RNU4ATAC: variants seen among roughly 807,000 people sequenced by gnomAD.
RNU4ATAC encodes the protein RNA, U4atac small nuclear, also known as RNA, U4atac small nuclear (U12-dependent splicing).
chr2:121,530,977 T>G, exon 1 of RNU4ATAC: 1 of 700,404 alleles, frequency 1.4e-6, no homozygotes, highest in Non-Finnish European at 2.6e-6. Flanking sequence ...AACTAGAGCT[T>G]TTGCTTTATT....
At position 121,530,892 on chromosome 2, in the gene RNU4ATAC, C is replaced by G. The variant is rs559979281; in HGVS notation, n.12C>G. 1.3e-5 allele frequency: 9 copies of G among 693,818 alleles called. No homozygotes were observed. The highest frequency in any genetic ancestry group is 5.4e-5 in the East Asian group (2 of 37,070). 43.0% of individuals were successfully genotyped at this position (693,818 alleles called of 1,614,324 possible). A position where few individuals can be genotyped will look rare whatever the true frequency, so the allele number is the denominator to read the frequency against. On this transcript the variant is annotated non_coding_transcript_exon_variant, in exon 1 of 1. Coordinates refer to ENST00000580972, the Ensembl canonical transcript of RNU4ATAC. ...GACTTTCTATTATAACCATCCTTTTCTTGGGGTTGCGCTACTGTCCAATGA... is the reference window on the plus strand; with the variant it reads ...GACTTTCTATTATAACCATCCTTTTGTTGGGGTTGCGCTACTGTCCAATGA...
At chr2:121,530,886 C>A (rs764712132) in exon 1 of RNU4ATAC, 1 of 692,914 alleles carries the variant, frequency 1.4e-6, no homozygotes, top group Non-Finnish European at 2.6e-6. Context: ...TTATAACCAT[C>A]CTTTTCTTGG....
At position 121,530,881 on chromosome 2, in the gene RNU4ATAC, A is replaced by G. The variant is rs1339722202; in HGVS notation, n.1A>G. The G allele has an allele frequency of 1.6e-5, 11 of 692,068 alleles. No homozygotes were observed. The highest frequency in any genetic ancestry group is 6.1e-5 in the Admixed American group (3 of 49,582). 42.9% of individuals were successfully genotyped at this position (692,068 alleles called of 1,614,324 possible). A position where few individuals can be genotyped will look rare whatever the true frequency, so the allele number is the denominator to read the frequency against. On this transcript the variant is annotated non_coding_transcript_exon_variant, in exon 1 of 1. Coordinates refer to ENST00000580972, the Ensembl canonical transcript of RNU4ATAC. ...TGCAGCCCAGGGACTTTCTATTATAACCATCCTTTTCTTGGGGTTGCGCTA... is the reference window on the plus strand; with the variant it reads ...TGCAGCCCAGGGACTTTCTATTATAGCCATCCTTTTCTTGGGGTTGCGCTA...
rs543891782 is a variant in RNU4ATAC at position 121,530,894 on chromosome 2, T to G, written n.14T>G. On this transcript the variant is annotated non_coding_transcript_exon_variant, in exon 1 of 1. Coordinates refer to ENST00000580972, the Ensembl canonical transcript of RNU4ATAC. ...CTTTCTATTATAACCATCCTTTTCTTGGGGTTGCGCTACTGTCCAATGAGC... is the reference window on the plus strand; with the variant it reads ...CTTTCTATTATAACCATCCTTTTCTGGGGGTTGCGCTACTGTCCAATGAGC... The G allele has an allele frequency of 8.5e-5, 59 of 694,024 alleles. No individual in the cohort carries two copies. The highest frequency in any genetic ancestry group is 2.4e-4 in the Admixed American group (12 of 49,708). 43.0% of individuals were successfully genotyped at this position (694,024 alleles called of 1,614,324 possible).
chr2:121,531,009 T>C (rs942363087), downstream of RNU4ATAC: 54 of 700,042 alleles, frequency 7.7e-5, no homozygotes, highest in African/African-American at 1.0e-4. Context: ...TTTGGAAAAA[T>C]GAAAACCTGT....
chr2:121,530,944 C>G (rs572917990), exon 1 of RNU4ATAC: 3 of 700,280 alleles, frequency 4.3e-6, no homozygotes, highest in Non-Finnish European at 7.8e-6. Flanking sequence ...GTACTGCTAA[C>G]GCCTGAACAA....
At chr2:121,530,963 CAT>C in exon 1 of RNU4ATAC, 1 of 700,430 alleles carries the variant, frequency 1.4e-6, no homozygotes, top group South Asian at 1.5e-5. Context: ...AACACACCCG[CAT>C]CAACTAGAGC....
In RNU4ATAC at chr2:121,531,003, G is replaced by C; in HGVS notation, n.123G>C. Reference sequence around the variant, plus strand: ...TTGCTTTATTTTGGTGCAATTTTTGGAAAAATGAAAACCTGTTTTCATAGA... The same window carrying C: ...TTGCTTTATTTTGGTGCAATTTTTGCAAAAATGAAAACCTGTTTTCATAGA... On this transcript the variant is annotated non_coding_transcript_exon_variant, in exon 1 of 1. Transcript: ENST00000580972. The C allele has an allele frequency of 2.9e-6, 2 of 700,188 alleles. No homozygotes were observed. The highest frequency in any genetic ancestry group is 5.4e-5 in the East Asian group (2 of 37,276). 43.4% of individuals were successfully genotyped at this position (700,188 alleles called of 1,614,324 possible).
chr2:121,530,975 C>A lies in RNU4ATAC; in HGVS notation n.95C>A, dbSNP rs538424742. On this transcript the variant is annotated non_coding_transcript_exon_variant, in exon 1 of 1. Coordinates refer to ENST00000580972, the Ensembl canonical transcript of RNU4ATAC. ...AACAACACACCCGCATCAACTAGAG[C>A]TTTTGCTTTATTTTGGTGCAATTTT... The A allele has an allele frequency of 5.7e-6, 4 of 700,418 alleles. No individual in the cohort carries two copies. The highest frequency in any genetic ancestry group is 5.4e-5 in the East Asian group (2 of 37,308). 43.4% of individuals were successfully genotyped at this position (700,418 alleles called of 1,614,324 possible). A position where few individuals can be genotyped will look rare whatever the true frequency, so the allele number is the denominator to read the frequency against.
chr2:121,530,927 G>GC (rs1323260662), exon 1 of RNU4ATAC: 1 of 699,834 alleles, frequency 1.4e-6, no homozygotes, highest in Non-Finnish European at 2.6e-6. Context: ...AGCGCATAGT[G>GC]AGGGCAGTAC....
rs77516008 is a variant in RNU4ATAC at position 121,530,920 on chromosome 2, G to A, written n.40G>A. On this transcript the variant is annotated non_coding_transcript_exon_variant, in exon 1 of 1. Coordinates refer to ENST00000580972, the Ensembl canonical transcript of RNU4ATAC. ...GGGGTTGCGCTACTGTCCAATGAGCGCATAGTGAGGGCAGTACTGCTAACG... is the reference window on the plus strand; with the variant it reads ...GGGGTTGCGCTACTGTCCAATGAGCACATAGTGAGGGCAGTACTGCTAACG... 397 of 699,694 alleles carry A rather than the reference G, an allele frequency of 5.7e-4. No individual in the cohort carries two copies. The highest frequency in any genetic ancestry group is 5.6e-3 in the African/African-American group (318 of 57,276). The allele number at this position is 699,694 out of a possible 1,614,324, so 43.3% of individuals were successfully genotyped here. A position where few individuals can be genotyped will look rare whatever the true frequency, so the allele number is the denominator to read the frequency against.
At chr2:121,530,957 C>CACCCGCA in exon 1 of RNU4ATAC, 1 of 700,408 alleles carries the variant, frequency 1.4e-6, no homozygotes, top group Non-Finnish European at 2.6e-6. Flanking sequence ...CTGAACAACA[C>CACCCGCA]ACCCGCATCA....
rs1048449886 is a variant in RNU4ATAC, at chr2:121,530,915, T to C, written n.35T>C. On this transcript the variant is annotated non_coding_transcript_exon_variant, in exon 1 of 1. Transcript: ENST00000580972. ...TTCTTGGGGTTGCGCTACTGTCCAA[T>C]GAGCGCATAGTGAGGGCAGTACTGC... The C allele has an allele frequency of 1.0e-5, 7 of 699,210 alleles. No homozygotes were observed. The highest frequency in any genetic ancestry group is 1.6e-5 in the Non-Finnish European group (6 of 383,928). 43.3% of individuals were successfully genotyped at this position (699,210 alleles called of 1,614,324 possible).
exon 1 of RNU4ATAC, chr2:121,530,994 C>A: frequency 4.3e-6 from 3 of 700,194 alleles, no homozygotes; most frequent in South Asian, 1.5e-5. Flanking sequence ...TATTTTGGTG[C>A]AATTTTTGGA....
At chr2:121,530,915 T>A (rs1048449886) in exon 1 of RNU4ATAC, 2 of 699,328 alleles carry the variant, frequency 2.9e-6, no homozygotes, top group Non-Finnish European at 5.2e-6. Context: ...TACTGTCCAA[T>A]GAGCGCATAG....
chr2:121,530,943 A>G lies in RNU4ATAC; in HGVS notation n.63A>G, dbSNP rs556631327. ...GCGCATAGTGAGGGCAGTACTGCTA[A>G]CGCCTGAACAACACACCCGCATCAA... On this transcript the variant is annotated non_coding_transcript_exon_variant, in exon 1 of 1. Coordinates refer to ENST00000580972, the Ensembl canonical transcript of RNU4ATAC. 32 of 700,288 alleles carry G rather than the reference A, an allele frequency of 4.6e-5. No homozygotes were observed. Among genetic ancestry groups the G allele is most frequent in the Non-Finnish European group, 6.0e-5 (23 of 384,806 alleles). The allele number at this position is 700,288 out of a possible 1,614,324, so 43.4% of individuals were successfully genotyped here.
rs777507405 is a variant in RNU4ATAC, at chr2:121,530,953, A to G, written n.73A>G. The stretch of plus-strand genomic sequence containing the variant: ...AGGGCAGTACTGCTAACGCCTGAAC[A>G]ACACACCCGCATCAACTAGAGCTTT... On this transcript the variant is annotated non_coding_transcript_exon_variant, in exon 1 of 1. Coordinates refer to ENST00000580972, the Ensembl canonical transcript of RNU4ATAC. The G allele has an allele frequency of 2.9e-5, 20 of 700,434 alleles. No individual in the cohort carries two copies. The highest frequency in any genetic ancestry group is 1.2e-4 in the Admixed American group (6 of 50,014). The allele number at this position is 700,434 out of a possible 1,614,324, so 43.4% of individuals were successfully genotyped here.
chr2:121,530,942 A>C (rs978736477), exon 1 of RNU4ATAC: 4 of 700,420 alleles, frequency 5.7e-6, no homozygotes, highest in Non-Finnish European at 1.0e-5. Context: ...CAGTACTGCT[A>C]ACGCCTGAAC....
rs772138273 is a variant in RNU4ATAC at position 121,530,882 on chromosome 2, C to T, written n.2C>T. The T allele has an allele frequency of 2.3e-4, 159 of 692,244 alleles. No individual in the cohort carries two copies. The highest frequency in any genetic ancestry group is 3.1e-4 in the Non-Finnish European group (117 of 378,594). 42.9% of individuals were successfully genotyped at this position (692,244 alleles called of 1,614,324 possible). On this transcript the variant is annotated non_coding_transcript_exon_variant, in exon 1 of 1. Coordinates refer to ENST00000580972, the Ensembl canonical transcript of RNU4ATAC. ...GCAGCCCAGGGACTTTCTATTATAA[C>T]CATCCTTTTCTTGGGGTTGCGCTAC...
Sources: gnomAD v4.1 joint callset for allele counts on GRCh38, gnomAD v4.1.1 for gene constraint, MANE v1.5 for transcripts, NCBI Gene and HGNC (gene_info 2026-07-23, HGNC 2026-07-21) for gene names.